SEC22A: variants seen among roughly 807,000 people sequenced by gnomAD.
SEC22A encodes the protein SEC22 homolog A, vesicle trafficking protein.
SEC22A carries 22 observed loss-of-function variants against 35.3 expected under a neutral mutation model. That is an observed-to-expected ratio of 0.62 (90% confidence interval 0.45 to 0.89). The LOEUF (loss-of-function observed/expected upper bound fraction) is 0.89, where lower values mean the gene tolerates loss of function less well. SEC22A is among the 40% of genes least tolerant of loss of function. The pLI, the probability that SEC22A is intolerant of heterozygous loss-of-function variation, is 0.00. For synonymous variants in SEC22A, 119 were observed against 129.5 expected (o/e 0.92, Z 0.55); for missense variants, 354 against 362.5 (o/e 0.98, Z 0.19).
chr3:123,204,144 A>T (rs972630378), intron 1 of SEC22A, among the ~76,000 whole-genome samples: 1 of 152,228 alleles, frequency 6.6e-6, no homozygotes, highest in African/African-American at 2.4e-5. Flanking sequence ...AATGAACATT[A>T]AAAAATTCTC....
chr3:123,205,627 G>A (rs2060978186), intron 1 of SEC22A, among the ~76,000 whole-genome samples: 1 of 152,132 alleles, frequency 6.6e-6, no homozygotes, highest in South Asian at 2.1e-4. Context: ...GGCAGAGGTT[G>A]CAGTGAGCCA....
At chr3:123,249,211 G>A (rs1181459825) in intron 5 of SEC22A, among the ~76,000 whole-genome samples, 1 of 152,204 alleles carries the variant, frequency 6.6e-6, no homozygotes, top group South Asian at 2.1e-4. Flanking sequence ...GTTGGAGTTT[G>A]TCACCTTCCT....
chr3:123,235,464 G>T (rs990553361), intron 4 of SEC22A, among the ~76,000 whole-genome samples: 1 of 152,130 alleles, frequency 6.6e-6, no homozygotes, highest in Non-Finnish European at 1.5e-5. Context: ...GAAATACAAA[G>T]CAAAATTACA....
intron 1 of SEC22A, chr3:123,208,625 A>G (rs1032338863): frequency 4.6e-5 from 7 of 152,430 alleles, no homozygotes; most frequent in Admixed American, 2.0e-4. Flanking sequence ...AGGCTGAGGC[A>G]TGAGAATTGC....
At chr3:123,263,005 A>G (rs1239552843) in intron 6 of SEC22A, among the ~76,000 whole-genome samples, 1 of 152,260 alleles carries the variant, frequency 6.6e-6, no homozygotes, top group Non-Finnish European at 1.5e-5. Flanking sequence ...GTCAAGATAC[A>G]GAACATTCCT....
At chr3:123,223,818 C>T (rs1260982615) in intron 3 of SEC22A, 96 bp downstream of exon 3, 2 of 840,228 alleles carry the variant, frequency 2.4e-6, no homozygotes, top group African/African-American at 3.4e-5. Flanking sequence ...CTTCTGCTAT[C>T]TTGCTTTTGA....
chr3:123,247,082 G>A (rs1204243452), intron 5 of SEC22A, among the ~76,000 whole-genome samples: 6 of 152,034 alleles, frequency 3.9e-5, no homozygotes, highest in African/African-American at 1.4e-4. Context: ...GCTGTCCCTC[G>A]GCCTTTCTGT....
At chr3:123,261,544 CAT>C (rs1235525153) in intron 6 of SEC22A, among the ~76,000 whole-genome samples, 1 of 151,220 alleles carries the variant, frequency 6.6e-6, no homozygotes, top group Non-Finnish European at 1.5e-5. Flanking sequence ...TAACTATACA[CAT>C]GATCTCATTT....
chr3:123,217,375 AT>A (rs1160275173), intron 2 of SEC22A, among the ~76,000 whole-genome samples: 2 of 141,778 alleles, frequency 1.4e-5, no homozygotes, highest in Non-Finnish European at 3.1e-5. Context: ...TTTTTTTTGT[AT>A]TTTTTTATTT....
intron 1 of SEC22A, among the ~76,000 whole-genome samples, chr3:123,205,944 A>C (rs768192683): frequency 6.6e-5 from 10 of 152,192 alleles, no homozygotes; most frequent in Admixed American, 2.0e-4. Context: ...TTCTTTTTAC[A>C]GTATGTGTTT....
At chr3:123,256,495 T>G (rs943096908) in intron 5 of SEC22A, among the ~76,000 whole-genome samples, 5 of 152,220 alleles carry the variant, frequency 3.3e-5, no homozygotes, top group Non-Finnish European at 4.4e-5. Flanking sequence ...CTACTTCCTT[T>G]GCCTTTGATT....
chr3:123,232,053 A>G (rs977996378), intron 4 of SEC22A, among the ~76,000 whole-genome samples: 4 of 152,204 alleles, frequency 2.6e-5, no homozygotes, highest in Non-Finnish European at 5.9e-5. Context: ...AGCCTGGCCA[A>G]CATAGCAAAA....
At chr3:123,250,477 T>A (rs1030563867) in intron 5 of SEC22A, among the ~76,000 whole-genome samples, 1 of 152,152 alleles carries the variant, frequency 6.6e-6, no homozygotes, top group Non-Finnish European at 1.5e-5. Context: ...CACTCTGGGC[T>A]TTGATATTCT....
intron 4 of SEC22A, among the ~76,000 whole-genome samples, chr3:123,237,307 A>T (rs1228706211): frequency 6.6e-6 from 1 of 151,350 alleles, no homozygotes; most frequent in African/African-American, 2.4e-5. Flanking sequence ...ATTTATTAGG[A>T]TAGAGAAAAA....
At chr3:123,209,173 A>T in intron 1 of SEC22A, 26 bp from the exon 2 acceptor site, 2 of 1,585,566 alleles carry the variant, frequency 1.3e-6, no homozygotes, top group Non-Finnish European at 1.7e-6. Flanking sequence ...ATTTTTATGT[A>T]ACCCAAATTG....
intron 4 of SEC22A, among the ~76,000 whole-genome samples, chr3:123,244,640 A>T (rs1308242084): frequency 6.6e-6 from 1 of 152,112 alleles, no homozygotes; most frequent in African/African-American, 2.4e-5. Flanking sequence ...CTTTTTTGTG[A>T]TATGTAGATT....
intron 6 of SEC22A, among the ~76,000 whole-genome samples, chr3:123,261,363 G>A (rs1937891844): frequency 1.3e-5 from 2 of 152,016 alleles, no homozygotes; most frequent in African/African-American, 4.8e-5. Flanking sequence ...GTGAGAAAAC[G>A]GAGACAGTTT....
intron 5 of SEC22A, among the ~76,000 whole-genome samples, chr3:123,248,499 A>G (rs534356447): frequency 2.0e-5 from 3 of 148,608 alleles, no homozygotes; most frequent in African/African-American, 7.9e-5. Flanking sequence ...CCAAACAAAA[A>G]GAGACACTTC....
chr3:123,270,483 T>A (rs1240426128), intron 6 of SEC22A, among the ~76,000 whole-genome samples: 15 of 152,248 alleles, frequency 9.9e-5, no homozygotes, highest in African/African-American at 3.6e-4. Context: ...TTAGACTTTG[T>A]GGTTCCTATA....
Sources: allele counts gnomAD v4.1 joint callset (sites outside exome capture counted in the v4.1 genomes callset), GRCh38; gene constraint gnomAD v4.1.1; transcripts MANE v1.5; gene names NCBI Gene and HGNC (gene_info 2026-07-23, HGNC 2026-07-21).